Variants in FEM1C observed in about 807,000 individuals in gnomAD.
FEM1C encodes fem-1 homolog C.
A neutral mutation model predicts 37.6 loss-of-function variants in FEM1C; 15 were observed. The ratio of observed to expected loss-of-function variants is 0.40; its 90% confidence interval spans 0.27 to 0.61. The LOEUF is 0.61. Ranked by LOEUF, FEM1C falls within the 20% of genes least tolerant of loss-of-function variation. FEM1C has a pLI of 0.42. For missense variants in FEM1C, 532 were observed against 749.7 expected (o/e 0.71, Z 3.39); for synonymous variants, 287 against 272.8 (o/e 1.05, Z -0.51).
intron 2 of FEM1C, among the ~76,000 whole-genome samples, chr5:115,528,695 T>A (rs1403420171): frequency 6.6e-6 from 1 of 151,970 alleles, no homozygotes; most frequent in Non-Finnish European, 1.5e-5. Context: ...ATGCTTGGTA[T>A]CCAATCAAAA....
chr5:115,530,652 G>GTCTCA (rs1753996461), intron 2 of FEM1C, among the ~76,000 whole-genome samples: 1 of 152,070 alleles, frequency 6.6e-6, no homozygotes, highest in African/African-American at 2.4e-5. Context: ...AATGTCAAGG[G>GTCTCA]ACTGAAGTCA....
chr5:115,538,193 T>C (rs528733241), intron 2 of FEM1C, among the ~76,000 whole-genome samples: 2 of 152,136 alleles, frequency 1.3e-5, no homozygotes, highest in East Asian at 3.9e-4. Context: ...CTGTGTAAGT[T>C]AGAAAATTTC....
intron 2 of FEM1C, among the ~76,000 whole-genome samples, chr5:115,526,901 T>C (rs982418999): frequency 5.9e-5 from 9 of 152,118 alleles, no homozygotes; most frequent in African/African-American, 2.2e-4. Flanking sequence ...GGTTTCCTTC[T>C]GGGAGTCTAG....
intron 2 of FEM1C, among the ~76,000 whole-genome samples, 153 bp from the exon 3 acceptor site, chr5:115,525,770 C>A (rs1753878235): frequency 6.6e-6 from 1 of 151,984 alleles, no homozygotes; most frequent in African/African-American, 2.4e-5. Context: ...AAAAAATTCC[C>A]CCAGTACCTA....
intron 2 of FEM1C, among the ~76,000 whole-genome samples, chr5:115,540,774 T>C (rs985696490): frequency 1.5e-4 from 23 of 152,088 alleles, no homozygotes; most frequent in African/African-American, 5.1e-4. Flanking sequence ...TCCAATAACA[T>C]AGGCTTTTAA....
chr5:115,531,871 C>T (rs546253963), intron 2 of FEM1C, among the ~76,000 whole-genome samples: 1 of 152,170 alleles, frequency 6.6e-6, no homozygotes, highest in Non-Finnish European at 1.5e-5. Context: ...CTGCTCTAAC[C>T]CGGAGACATG....
Position 115,543,819 on chromosome 5 carries a change from C to G in FEM1C, c.-190-136G>C, listed in dbSNP as rs913795487. ...ACTACTCCATCCCACACACCCCCCC[C>G]ACCCCCAAAGAAAAGGTGGTAAAGA... On this transcript the variant is annotated intron_variant, in intron 1 of 2. Transcript: ENST00000274457. 3.8e-6 allele frequency: 4 copies of G among 1,044,790 alleles called. No homozygotes were observed. In the African/African-American group the frequency reaches 5.3e-5, roughly 14 times the overall value. The allele number at this position is 1,044,790 out of a possible 1,614,324, so 64.7% of individuals were successfully genotyped here.
At chr5:115,527,331 A>C (rs544261801) in intron 2 of FEM1C, among the ~76,000 whole-genome samples, 1 of 152,272 alleles carries the variant, frequency 6.6e-6, no homozygotes, top group East Asian at 1.9e-4. Context: ...AGTTATTATA[A>C]GAAATATTGA....
intron 2 of FEM1C, among the ~76,000 whole-genome samples, chr5:115,539,398 T>C (rs1754194291): frequency 6.6e-6 from 1 of 152,160 alleles, no homozygotes; most frequent in South Asian, 2.1e-4. Context: ...CATGAAGCGC[T>C]GAGATCACTG....
At chr5:115,526,636 G>A (rs1200187609) in intron 2 of FEM1C, among the ~76,000 whole-genome samples, 4 of 152,058 alleles carry the variant, frequency 2.6e-5, no homozygotes, top group Non-Finnish European at 5.9e-5. Flanking sequence ...CCGACCTCTG[G>A]TATTTACATA....
intron 2 of FEM1C, among the ~76,000 whole-genome samples, chr5:115,534,416 G>A (rs1754078875): frequency 6.6e-6 from 1 of 151,878 alleles, no homozygotes. Context: ...GTATTTTGAG[G>A]AAGAACTAGT....
intron 2 of FEM1C, among the ~76,000 whole-genome samples, chr5:115,539,562 G>C (rs141861349): frequency 6.6e-6 from 1 of 152,184 alleles, no homozygotes; most frequent in African/African-American, 2.4e-5. Flanking sequence ...CTTTTGGAAT[G>C]CCATGGGAAA....
chr5:115,543,901 A>T, intron 1 of FEM1C: 4 of 984,924 alleles, frequency 4.1e-6, no homozygotes, highest in Non-Finnish European at 4.8e-6. Context: ...AGTCTCCTCC[A>T]TGTGCGGAAA....
chr5:115,543,176 T>G lies in FEM1C; in HGVS notation c.318A>C (p.Gly106=). The G allele has an allele frequency of 6.2e-7, 1 of 1,614,194 alleles. No homozygotes were observed. Among genetic ancestry groups the G allele is most frequent in the Non-Finnish European group, 8.5e-7 (1 of 1,180,040 alleles). The change falls in exon 2 of 3, where the codon GGA becomes GGC. Residue 106 remains glycine, a synonymous_variant. Transcript: ENST00000274457. ...LKVVQSLLNH[G]ASVNNTTLTN... is the part of the protein sequence containing the mutation. Reference sequence around the variant, plus strand: ...TTAAAGTCGTGTTGTTGACAGATGCTCCATGATTTAACAAGGACTGGACCA... The same window carrying G: ...TTAAAGTCGTGTTGTTGACAGATGCGCCATGATTTAACAAGGACTGGACCA...
At chr5:115,542,866 C>T (rs892088299) in intron 2 of FEM1C, 84 bp downstream of exon 2, 5 of 1,499,104 alleles carry the variant, frequency 3.3e-6, no homozygotes, top group Middle Eastern at 1.8e-4. Context: ...TGCTGGTTTA[C>T]TCAACACCAG....
chr5:115,526,712 G>A (rs1240099392), intron 2 of FEM1C, among the ~76,000 whole-genome samples: 2 of 152,128 alleles, frequency 1.3e-5, no homozygotes, highest in Non-Finnish European at 2.9e-5. Context: ...AGGTAGCATG[G>A]CAGGCTGAGA....
At chr5:115,543,834 G>A (rs1754295723) in intron 1 of FEM1C, 151 bp from the exon 2 acceptor site, 1 of 983,502 alleles carries the variant, frequency 1.0e-6, no homozygotes, top group Admixed American at 6.2e-5. Context: ...CCAAAGAAAA[G>A]GTGGTAAAGA....
rs756842783 is a variant in FEM1C, at chr5:115,521,352, ATAG to A, written c.*2953_*2955del. ...ATAACCTAAACAATTTTCCCAAATA[ATAG>A]TAGACTGGGGTCTCTATACACATTA... On this transcript the variant is annotated 3_prime_UTR_variant, in exon 3 of 3. Transcript: ENST00000274457. 2.0e-5 allele frequency: 3 copies of A among 151,932 alleles called. No individual in the cohort carries two copies. In the East Asian group the frequency reaches 5.8e-4, roughly 29 times the overall value. 9.4% of individuals were successfully genotyped at this position (151,932 alleles called of 1,614,324 possible). A position where few individuals can be genotyped will look rare whatever the true frequency, so the allele number is the denominator to read the frequency against.
chr5:115,529,465 G>T (rs1012824067), intron 2 of FEM1C, among the ~76,000 whole-genome samples: 18 of 151,896 alleles, frequency 1.2e-4, no homozygotes, highest in Non-Finnish European at 2.2e-4. Context: ...GTCAAATAAA[G>T]AACCCTTTCA....
Sources: allele counts gnomAD v4.1 joint callset (sites outside exome capture counted in the v4.1 genomes callset), GRCh38; gene constraint gnomAD v4.1.1; transcripts MANE v1.5; gene names NCBI Gene and HGNC (gene_info 2026-07-23, HGNC 2026-07-21).